Variants in NPC1 observed in about 807,000 individuals in gnomAD.
The protein encoded by NPC1 is Niemann-Pick C1 protein.
Under a neutral mutation model 140.4 loss-of-function variants are expected in NPC1, and 85 were observed. The observed-to-expected ratio is 0.61, with a 90% CI of 0.51 to 0.72. The LOEUF is 0.72. Ranked by LOEUF, NPC1 falls within the 30% of genes least tolerant of loss-of-function variation. NPC1 has a pLI of 0.00. For synonymous variants in NPC1, 656 were observed against 624.8 expected, an observed-to-expected ratio of 1.05 and a Z score of -0.74; for missense variants, 1,504 against 1,623.8, an observed-to-expected ratio of 0.93 and a Z score of 1.27.
rs377728310 is a variant in NPC1 at position 23,557,172 on chromosome 18, G to A, written c.900C>T (p.Ser300=). ...VWCYRKRYFV[S]EYTPIDSNIA... is the part of the protein sequence containing the mutation. ...TATTGCTATCGATGGGAGTGTACTCGGAGACAAAATACCGTTTTCTGAAAA... is the reference window on the plus strand; with the variant it reads ...TATTGCTATCGATGGGAGTGTACTCAGAGACAAAATACCGTTTTCTGAAAA... Residue 300 remains serine (S), a synonymous_variant, in exon 7 of 25, where the codon TCC becomes TCT. Coordinates refer to ENST00000269228, the MANE Select transcript of NPC1 (RefSeq NM_000271.5). 26 of 1,613,122 alleles carry A rather than the reference G, an allele frequency of 1.6e-5. No homozygotes were observed. The highest frequency in any genetic ancestry group is 1.6e-4 in the Middle Eastern group (1 of 6,084).
chr18:23,536,651 A>G (rs2058634995), intron 21 of NPC1, 22 bp downstream of exon 21: 4 of 1,605,874 alleles, frequency 2.5e-6, no homozygotes, highest in Non-Finnish European at 3.4e-6. Context: ...GGTAAACCCC[A>G]TTGAAAAAGG....
Position 23,539,792 on chromosome 18 carries a change from A to G in NPC1, c.2795+19T>C, listed in dbSNP as rs200103695. ...GCCTCCTCCGCTGCTTCTGAAGTACAAGACAAGGTGGTACTGACTAGTTGT... is the reference window on the plus strand; with the variant it reads ...GCCTCCTCCGCTGCTTCTGAAGTACGAGACAAGGTGGTACTGACTAGTTGT... On this transcript the variant is annotated intron_variant, in intron 18 of 24. Coordinates refer to ENST00000269228, the MANE Select transcript of NPC1 (RefSeq NM_000271.5). The G allele has an allele frequency of 3.9e-3, 6,215 of 1,613,234 alleles. 23 individuals are homozygous for G. The highest frequency in any genetic ancestry group is 5.2e-3 in the Middle Eastern group (31 of 5,926).
At chr18:23,569,988 A>G (rs776438234) in intron 3 of NPC1, among the ~76,000 whole-genome samples, 1 of 152,242 alleles carries the variant, frequency 6.6e-6, no homozygotes, top group Non-Finnish European at 1.5e-5. Context: ...ACTCCGATTC[A>G]GTCCCAGTGA....
chr18:23,508,125 C>A, intron 3 of NPC1: 1 of 1,233,084 alleles, frequency 8.1e-7, no homozygotes, highest in Non-Finnish European at 1.1e-6. Flanking sequence ...ATTGGGGTCG[C>A]AGGGAGCACA....
intron 3 of NPC1, among the ~76,000 whole-genome samples, chr18:23,510,249 G>A (rs2057817340): frequency 6.6e-6 from 1 of 151,724 alleles, no homozygotes; most frequent in Admixed American, 6.6e-5. Context: ...GCTTGAGCCT[G>A]GGAGGCAGGA....
At chr18:23,539,507 A>G (rs974891335) in intron 18 of NPC1, 37 bp from the exon 19 acceptor site, 5 of 1,396,072 alleles carry the variant, frequency 3.6e-6, no homozygotes, top group South Asian at 1.2e-5. Flanking sequence ...CCTGCTCCAC[A>G]GGGAGGAAGT....
At chr18:23,515,931 G>A (rs1310886027) in intron 3 of NPC1, 10 of 1,613,988 alleles carry the variant, frequency 6.2e-6, no homozygotes, top group African/African-American at 4.0e-5. Context: ...GTACTGCCCC[G>A]AGAGCGCCGT....
chr18:23,579,790 C>G (rs1318520908), intron 1 of NPC1, among the ~76,000 whole-genome samples: 1 of 151,672 alleles, frequency 6.6e-6, no homozygotes, highest in Admixed American at 6.6e-5. Context: ...CAGGCTGAGA[C>G]AGGAGAATGG....
In NPC1 at chr18:23,562,740, A is replaced by G. The variant is rs182379679; in HGVS notation, c.464-1213T>C. On this transcript the variant is annotated intron_variant, in intron 4 of 24. Coordinates refer to ENST00000269228, the MANE Select transcript of NPC1 (RefSeq NM_000271.5). ...GGTTATGCACACCTTTAATCCCAGT[A>G]ATTTGGGAGGCCCTGGTGGGTGGAC... Among the ~76,000 whole-genome samples, 16 of 152,114 alleles carry G rather than the reference A, an allele frequency of 1.1e-4. No homozygotes were observed. In the East Asian group the frequency reaches 2.9e-3, roughly 28 times the overall value.
intron 19 of NPC1, 44 bp from the exon 20 acceptor site, chr18:23,538,715 C>T: frequency 6.2e-7 from 1 of 1,609,504 alleles, no homozygotes; most frequent in East Asian, 2.2e-5. Context: ...AATAGGTCTC[C>T]AGATTTTTTG....
intron 11 of NPC1, 73 bp downstream of exon 11, chr18:23,547,933 T>C: frequency 1.1e-6 from 1 of 910,710 alleles, no homozygotes; most frequent in South Asian, 1.3e-5. Flanking sequence ...GAAAATGAAG[T>C]TTAAGTGCTT....
At chr18:23,545,223 T>C in intron 11 of NPC1, 74 bp from the exon 12 acceptor site, 1 of 1,134,230 alleles carries the variant, frequency 8.8e-7, no homozygotes. Context: ...TCCCTAACTT[T>C]CACGATACAA....
At position 23,516,471 on chromosome 18, in the gene NPC1, T is replaced by C. The variant is rs1345706840; in HGVS notation, c.432-9829A>G. 4 of 1,576,822 alleles carry C rather than the reference T, an allele frequency of 2.5e-6. No homozygotes were observed. The African/African-American group carries it at 5.4e-5, about 21-fold the overall frequency. Reference sequence around the variant, plus strand: ...TCCATCCTGTGATTGCTTTCAGTAATATAAATAATAGAAGGAGTGTGTTAC... The same window carrying C: ...TCCATCCTGTGATTGCTTTCAGTAACATAAATAATAGAAGGAGTGTGTTAC... On this transcript the variant is annotated intron_variant, in intron 3 of 3. Coordinates refer to the NPC1 transcript ENST00000591107.
downstream of NPC1, chr18:23,529,241 G>A (rs770542539): frequency 7.4e-6 from 12 of 1,613,916 alleles, no homozygotes; most frequent in Admixed American, 3.3e-5. Context: ...GGACCCAGGC[G>A]GTGCTGGACC....
chr18:23,555,533 C>G (rs1473781979), intron 8 of NPC1, among the ~76,000 whole-genome samples: 2 of 152,222 alleles, frequency 1.3e-5, no homozygotes, highest in East Asian at 3.8e-4. Flanking sequence ...CATTTTAATG[C>G]TTTTCAAGAT....
In NPC1 at chr18:23,535,704, G is replaced by A. The variant is rs1285864148; in HGVS notation, c.3246-4C>T. ...TTCGTAGAAGACATAAAACACACTG[G>A]AGGGGAGAGGGGAGGCCTCATTAAA... On this transcript the variant is annotated splice_polypyrimidine_tract_variant and splice_region_variant and intron_variant, in intron 21 of 24. Coordinates refer to ENST00000269228, the MANE Select transcript of NPC1 (RefSeq NM_000271.5). 6.3e-7 allele frequency: 1 copy of A among 1,583,682 alleles called. No homozygotes were observed.
Position 23,578,898 on chromosome 18 carries a change from G to A in NPC1, c.58-5324C>T, listed in dbSNP as rs542912298. Among the ~76,000 whole-genome samples, 111 of 152,236 alleles carry A rather than the reference G, an allele frequency of 7.3e-4. 2 individuals carry two copies. The South Asian group carries it at 0.022, about 30-fold the overall frequency. Reference sequence around the variant, plus strand: ...CGCTCACTCCCAGGGAGGCTCCCTCGTGCAGCCTCCTGCCCTCACTCGGAC... The same window carrying A: ...CGCTCACTCCCAGGGAGGCTCCCTCATGCAGCCTCCTGCCCTCACTCGGAC... On this transcript the variant is annotated intron_variant, in intron 1 of 24. Coordinates refer to ENST00000269228, the MANE Select transcript of NPC1 (RefSeq NM_000271.5).
At chr18:23,528,884 CT>C (rs112216095), downstream of NPC1, 14,652 of 247,236 alleles carry the variant, frequency 0.059, no homozygotes, top group South Asian at 0.1. Context: ...ATCTGAACTG[CT>C]TTTTTTTTTT....
intron 1 of NPC1, among the ~76,000 whole-genome samples, chr18:23,523,719 C>G (rs889813108): frequency 2.0e-5 from 3 of 151,952 alleles, no homozygotes; most frequent in Non-Finnish European, 4.4e-5. Context: ...AACACCCTCT[C>G]TTAAAGAAAA....
Sources: gnomAD v4.1 joint callset for allele counts (sites outside exome capture counted in the v4.1 genomes callset) on GRCh38, gnomAD v4.1.1 for gene constraint, MANE v1.5 for transcripts, NCBI Gene and HGNC (gene_info 2026-07-23, HGNC 2026-07-21) for gene names.